Variants in MROH2A observed in about 807,000 individuals in gnomAD.
The protein encoded by MROH2A is maestro heat like repeat family member 2A, also known as maestro heat-like repeat-containing protein family member 2A.
MROH2A carries 174 observed loss-of-function variants against 200.4 expected under a neutral mutation model. The observed-to-expected ratio is 0.87, with a 90% CI of 0.77 to 0.98. The LOEUF is 0.98. Ranked by LOEUF, MROH2A falls within the 50% of genes least tolerant of loss-of-function variation. The pLI is 0.00. For missense variants in MROH2A, 2,045 were observed against 2,139.6 expected (o/e 0.96, Z 0.87); for synonymous variants, 829 against 840.4 (o/e 0.99, Z 0.23).
chr2:233,803,947 A>G (rs1461728966), intron 16 of MROH2A, 104 bp from the exon 17 acceptor site: 2 of 1,413,172 alleles, frequency 1.4e-6, no homozygotes, highest in African/African-American at 2.9e-5. Flanking sequence ...TTTGAAAACC[A>G]CCGATCTTGT....
chr2:233,815,388 G>A (rs1438391816), intron 26 of MROH2A, among the ~76,000 whole-genome samples: 13 of 152,108 alleles, frequency 8.5e-5, no homozygotes, highest in Admixed American at 8.5e-4. Flanking sequence ...ATCTTTTAAT[G>A]AGCAGAAGTT....
chr2:233,792,989 A>T, intron 6 of MROH2A, 95 bp downstream of exon 6: 1 of 1,218,474 alleles, frequency 8.2e-7, no homozygotes. Context: ...GTTGAAAAAG[A>T]GGTGCACTGT....
chr2:233,792,723 G>C (rs997945278), intron 5 of MROH2A, 73 bp from the exon 6 acceptor site: 13 of 929,294 alleles, frequency 1.4e-5, no homozygotes, highest in Admixed American at 1.2e-4. Context: ...AGGGCAGCAG[G>C]GTTGTCCTCT....
rs543738380 is a variant in MROH2A, at chr2:233,795,587, G to A, written c.967-66G>A. 81 of 1,549,698 alleles carry A rather than the reference G, an allele frequency of 5.2e-5. No homozygotes were observed. In the African/African-American group the frequency reaches 7.8e-4, roughly 15 times the overall value. ...GTGGGTCAGTGGGCCCCTGAGTAGC[G>A]AGGGTCTAGAGTTTGACCTTGAGTT... is the stretch of plus-strand genomic sequence containing the variant. On this transcript the variant is annotated intron_variant, in intron 8 of 41. Coordinates refer to ENST00000389758, the MANE Select transcript of MROH2A (RefSeq NM_001394639.1).
Position 233,788,228 on chromosome 2 carries a change from G to A in MROH2A, c.277-1269G>A, listed in dbSNP as rs143725801. On this transcript the variant is annotated intron_variant, in intron 3 of 41. Transcript: ENST00000389758. ...TATATGGCATTAAAGTCTCGTTGGG[G>A]TGTGATTAGGAAAAAAGTCTAAATG... Among the ~76,000 whole-genome samples, 369 of 122,510 alleles carry A rather than the reference G, an allele frequency of 3.0e-3. 2 individuals carry two copies. Among genetic ancestry groups the A allele is most frequent in the African/African-American group, 0.011 (353 of 31,394 alleles). The allele number at this position is 122,510 out of a possible 152,430, so 80.4% of individuals were successfully genotyped here. A position where few individuals can be genotyped will look rare whatever the true frequency, so the allele number is the denominator to read the frequency against.
intron 35 of MROH2A, 98 bp downstream of exon 35, chr2:233,823,762 G>C (rs1397883740): frequency 1.4e-6 from 2 of 1,460,238 alleles, no homozygotes; most frequent in African/African-American, 2.8e-5. Flanking sequence ...ATGGGAGTCG[G>C]GGGGACAGGC....
At chr2:233,780,163 A>T (rs1022852456) in intron 3 of MROH2A, among the ~76,000 whole-genome samples, 1 of 152,146 alleles carries the variant, frequency 6.6e-6, no homozygotes, top group African/African-American at 2.4e-5. Context: ...GTGTGCAGGG[A>T]TGTTTGGCTA....
chr2:233,829,128 G>A, intron 37 of MROH2A, 56 bp downstream of exon 37: 1 of 1,434,522 alleles, frequency 7.0e-7, no homozygotes, highest in Non-Finnish European at 9.2e-7. Flanking sequence ...GCACTTCTCA[G>A]ACCCTAAGGA....
chr2:233,816,748 C>T (rs533899581), intron 26 of MROH2A, 33 bp from the exon 27 acceptor site: 1 of 1,469,122 alleles, frequency 6.8e-7, no homozygotes, highest in East Asian at 2.5e-5. Context: ...AGGATTTTAA[C>T]ACCCACTTTG....
intron 24 of MROH2A, among the ~76,000 whole-genome samples, chr2:233,813,151 G>A (rs1703286408): frequency 6.6e-6 from 1 of 152,240 alleles, no homozygotes; most frequent in African/African-American, 2.4e-5. Flanking sequence ...CCAATCACTA[G>A]CAACTTCCTC....
intron 3 of MROH2A, among the ~76,000 whole-genome samples, chr2:233,780,783 A>G (rs904151902): frequency 1.3e-5 from 2 of 152,174 alleles, no homozygotes; most frequent in Non-Finnish European, 2.9e-5. Context: ...ACAATCAATC[A>G]TTGTTGACTA....
At chr2:233,779,224 A>G in intron 1 of MROH2A, 121 bp from the exon 2 acceptor site, 3 of 644,664 alleles carry the variant, frequency 4.7e-6, no homozygotes, top group Non-Finnish European at 8.4e-6. Context: ...ATTAGAAGGA[A>G]GTCACAGGTT....
At chr2:233,813,637 A>G (rs1251176847) in intron 24 of MROH2A, 33 bp from the exon 25 acceptor site, 2 of 1,377,398 alleles carry the variant, frequency 1.5e-6, no homozygotes, top group Non-Finnish European at 2.0e-6. Flanking sequence ...CTCCCCAATG[A>G]CTGTTCCTCT....
chr2:233,783,707 G>A (rs367935274), intron 3 of MROH2A, among the ~76,000 whole-genome samples: 27 of 152,038 alleles, frequency 1.8e-4, no homozygotes, highest in Admixed American at 5.2e-4. Context: ...CACCATGCCC[G>A]GCTAATTTTT....
chr2:233,780,085 A>G (rs1700876248), intron 3 of MROH2A, among the ~76,000 whole-genome samples: 1 of 152,246 alleles, frequency 6.6e-6, no homozygotes, highest in South Asian at 2.1e-4. Flanking sequence ...ATTGTCCTAC[A>G]GCACATGAGC....
At chr2:233,782,942 C>G (rs1016970740) in intron 3 of MROH2A, among the ~76,000 whole-genome samples, 30 of 58,664 alleles carry the variant, frequency 5.1e-4, no homozygotes, top group African/African-American at 1.6e-3. Flanking sequence ...CTGAATTTAT[C>G]AAATACTTTT....
intron 3 of MROH2A, among the ~76,000 whole-genome samples, chr2:233,782,932 C>T (rs1356774746): frequency 8.6e-6 from 1 of 116,882 alleles, no homozygotes; most frequent in Non-Finnish European, 1.8e-5. Flanking sequence ...TAAAGGGCTG[C>T]TGAATTTATC....
intron 3 of MROH2A, among the ~76,000 whole-genome samples, chr2:233,781,223 T>C (rs1441502221): frequency 6.6e-6 from 1 of 152,218 alleles, no homozygotes; most frequent in East Asian, 1.9e-4. Flanking sequence ...CTTAGATATA[T>C]TGACTTCCTT....
At chr2:233,779,180 G>A (rs1029565266) in intron 1 of MROH2A, among the ~76,000 whole-genome samples, 165 bp from the exon 2 acceptor site, 8 of 152,234 alleles carry the variant, frequency 5.3e-5, no homozygotes, top group African/African-American at 7.2e-5. Context: ...CCACTCGAGA[G>A]AGGGTCACCC....
Sources: allele counts gnomAD v4.1 joint callset (sites outside exome capture counted in the v4.1 genomes callset), GRCh38; gene constraint gnomAD v4.1.1; transcripts MANE v1.5; gene names NCBI Gene and HGNC (gene_info 2026-07-23, HGNC 2026-07-21).